SH3RF1: variants seen among roughly 807,000 people sequenced by gnomAD.
SH3RF1 encodes the protein E3 ubiquitin-protein ligase SH3RF1.
In SH3RF1, 32 loss-of-function variants were observed where a neutral mutation model predicts 74.0. The ratio of observed to expected loss-of-function variants is 0.43; its 90% CI spans 0.33 to 0.58. SH3RF1 has a LOEUF of 0.58. Among genes scored for constraint, SH3RF1 ranks in the 20% least tolerant of loss-of-function variants. The pLI, the probability that SH3RF1 is intolerant of heterozygous loss-of-function variation, is 0.05. For missense variants in SH3RF1, 954 were observed against 1,130.9 expected (o/e 0.84, Z 2.24); for synonymous variants, 396 against 439.6 (o/e 0.90, Z 1.24).
At chr4:169,159,497 T>C (rs1033804765) in intron 2 of SH3RF1, among the ~76,000 whole-genome samples, 14 of 152,176 alleles carry the variant, frequency 9.2e-5, no homozygotes, top group Non-Finnish European at 2.1e-4. Context: ...AAGCACAAAC[T>C]CCAGAGCCAG....
rs188300658 is a variant in SH3RF1 at position 169,202,308 on chromosome 4, G to A, written c.394-45629C>T. Reference sequence around the variant, plus strand: ...TAATGTTTACCTCCCTCCGTAGGAGGCTAGTTCTTGGTATGAGGTCAACCT... The same window carrying A: ...TAATGTTTACCTCCCTCCGTAGGAGACTAGTTCTTGGTATGAGGTCAACCT... On this transcript the variant is annotated intron_variant, in intron 2 of 11. Transcript: ENST00000284637. 2.0e-5 allele frequency among the ~76,000 whole-genome samples: 3 copies of A among 152,260 alleles called. No homozygotes were observed. In the East Asian group the frequency reaches 5.8e-4, roughly 29 times the overall value.
In SH3RF1 at chr4:169,136,509, A is replaced by G. The variant is rs757058937; in HGVS notation, c.877T>C (p.Ser293Pro). 1 of 1,613,742 alleles carries G rather than the reference A, an allele frequency of 6.2e-7. No individual in the cohort carries two copies. Among genetic ancestry groups the G allele is most frequent in the South Asian group, 1.1e-5 (1 of 91,026 alleles). The change falls in exon 5 of 12, where the codon TCC becomes CCC. Residue 293 changes from serine (S) to proline (P), a missense_variant. Ser to Pro is a moderately conservative substitution (Grantham distance 74). This residue lies in a region of SH3RF1 where 854 missense variants were observed against 962.5 expected (regional missense o/e 0.89). Coordinates refer to ENST00000284637, the MANE Select transcript of SH3RF1 (RefSeq NM_020870.4). The part of the protein sequence containing the change: ...AAQSSTAPKH[S>P]DTKKNTKKRH... The stretch of plus-strand genomic sequence containing the variant: ...TTTTTGGTGTTCTTCTTGGTGTCGG[A>G]GTGCTTTGGGGCAGTGCTGCTCTGG...
intron 2 of SH3RF1, among the ~76,000 whole-genome samples, chr4:169,254,527 T>C (rs141208805): frequency 1.1e-3 from 169 of 152,310 alleles, no homozygotes; most frequent in African/African-American, 3.8e-3. Flanking sequence ...TTGCTGACAC[T>C]ATCGTAAAGA....
At chr4:169,221,260 T>C (rs1730560020) in intron 2 of SH3RF1, among the ~76,000 whole-genome samples, 1 of 152,030 alleles carries the variant, frequency 6.6e-6, no homozygotes, top group African/African-American at 2.4e-5. Flanking sequence ...TCCCTAACAC[T>C]CTCTGCTCCT....
At chr4:169,139,951 T>A (rs1733757778) in intron 4 of SH3RF1, among the ~76,000 whole-genome samples, 1 of 152,198 alleles carries the variant, frequency 6.6e-6, no homozygotes, top group South Asian at 2.1e-4. Flanking sequence ...ACAAGTTTCA[T>A]TTTTCTATTT....
At chr4:169,222,755 G>T (rs1010213175) in intron 2 of SH3RF1, among the ~76,000 whole-genome samples, 1 of 151,954 alleles carries the variant, frequency 6.6e-6, no homozygotes, top group Non-Finnish European at 1.5e-5. Context: ...AACTGAGAAA[G>T]AACTTATGTT....
intron 2 of SH3RF1, chr4:169,167,006 G>A: frequency 4.7e-6 from 1 of 214,622 alleles, no homozygotes; most frequent in Non-Finnish European, 9.2e-6. Context: ...TGATCAGAAA[G>A]CTGTGGACTC....
chr4:169,254,141 C>A (rs1268961917), intron 2 of SH3RF1, among the ~76,000 whole-genome samples: 1 of 152,192 alleles, frequency 6.6e-6, no homozygotes. Context: ...TGTGGTTAGA[C>A]ACTCCAACTT....
At chr4:169,119,104 T>C (rs1460071345) in intron 8 of SH3RF1, among the ~76,000 whole-genome samples, 1 of 151,720 alleles carries the variant, frequency 6.6e-6, no homozygotes, top group Non-Finnish European at 1.5e-5. Context: ...AACAAACAGA[T>C]AGATTTTTTT....
intron 2 of SH3RF1, among the ~76,000 whole-genome samples, chr4:169,234,507 G>A (rs533760376): frequency 6.6e-6 from 1 of 152,298 alleles, no homozygotes; most frequent in South Asian, 2.1e-4. Context: ...TTTGGGTGAA[G>A]AACATTTACA....
intron 4 of SH3RF1, among the ~76,000 whole-genome samples, chr4:169,153,464 G>C (rs1334299585): frequency 2.0e-5 from 3 of 152,152 alleles, no homozygotes; most frequent in Non-Finnish European, 4.4e-5. Flanking sequence ...AATATGAATA[G>C]GTTTACAGAG....
chr4:169,119,564 T>G (rs572224893), intron 8 of SH3RF1, among the ~76,000 whole-genome samples: 3 of 152,318 alleles, frequency 2.0e-5, no homozygotes, highest in East Asian at 3.9e-4. Flanking sequence ...TTATCATTAT[T>G]TTGCACCAGG....
intron 2 of SH3RF1, among the ~76,000 whole-genome samples, chr4:169,183,989 A>G (rs376797334): frequency 3.3e-5 from 5 of 152,188 alleles, no homozygotes; most frequent in African/African-American, 1.2e-4. Context: ...TTAAAGCAGT[A>G]ATAGCTTATG....
At chr4:169,237,103 G>A (rs1035765578) in intron 2 of SH3RF1, among the ~76,000 whole-genome samples, 2 of 152,176 alleles carry the variant, frequency 1.3e-5, no homozygotes, top group African/African-American at 2.4e-5. Flanking sequence ...CCAAAAATGT[G>A]GTGCCAACTG....
intron 10 of SH3RF1, among the ~76,000 whole-genome samples, chr4:169,114,682 A>G (rs1733302682): frequency 6.6e-6 from 1 of 152,248 alleles, no homozygotes; most frequent in South Asian, 2.1e-4. Context: ...TTATAAATAT[A>G]TTAACAAAGT....
At chr4:169,236,150 C>T (rs566959524) in intron 2 of SH3RF1, among the ~76,000 whole-genome samples, 1 of 152,356 alleles carries the variant, frequency 6.6e-6, no homozygotes, top group Non-Finnish European at 1.5e-5. Context: ...ATAAACATTA[C>T]GATTCTTCTC....
At chr4:169,110,485 C>T (rs1733221699) in intron 10 of SH3RF1, among the ~76,000 whole-genome samples, 1 of 151,944 alleles carries the variant, frequency 6.6e-6, no homozygotes, top group Non-Finnish European at 1.5e-5. Flanking sequence ...GAATAATAAG[C>T]CAGGTGCCGT....
At chr4:169,249,705 T>C (rs1158187095) in intron 2 of SH3RF1, among the ~76,000 whole-genome samples, 2 of 152,190 alleles carry the variant, frequency 1.3e-5, no homozygotes, top group East Asian at 3.8e-4. Context: ...GAAGGATACA[T>C]TTCCAGCAAG....
chr4:169,176,855 T>C (rs1734429414), intron 2 of SH3RF1, among the ~76,000 whole-genome samples: 1 of 152,236 alleles, frequency 6.6e-6, no homozygotes. Context: ...ATATAGTTCC[T>C]TGATTAAAAC....
Sources: allele counts gnomAD v4.1 joint callset (sites outside exome capture counted in the v4.1 genomes callset), GRCh38; gene constraint gnomAD v4.1.1; regional missense constraint gnomAD v4.1.1; transcripts MANE v1.5; gene names NCBI Gene and HGNC (gene_info 2026-07-23, HGNC 2026-07-21).